ESRRG: variants seen among roughly 807,000 people sequenced by gnomAD.
ESRRG encodes the protein estrogen related receptor gamma.
A neutral mutation model predicts 44.0 loss-of-function variants in ESRRG; 13 were observed. That is an observed-to-expected ratio of 0.30 (90% CI 0.19 to 0.47). ESRRG has a LOEUF of 0.47. Ranked by LOEUF, ESRRG falls within the 20% of genes least tolerant of loss-of-function variation. The pLI, the probability that ESRRG is intolerant of heterozygous loss-of-function variation, is 1.00. For synonymous variants in ESRRG, 215 were observed against 214.6 expected, an observed-to-expected ratio of 1.00 and a Z score of -0.02; for missense variants, 395 against 580.6, an observed-to-expected ratio of 0.68 and a Z score of 3.29.
intron 1 of ESRRG, among the ~76,000 whole-genome samples, chr1:217,041,915 AG>A (rs1472552021): frequency 2.6e-5 from 4 of 152,224 alleles, no homozygotes; most frequent in Non-Finnish European, 5.9e-5. Context: ...AGAAACCAGT[AG>A]GGTTATATTC....
At chr1:216,779,019 T>G (rs1378033817) in intron 2 of ESRRG, among the ~76,000 whole-genome samples, 1 of 148,128 alleles carries the variant, frequency 6.8e-6, no homozygotes, top group Non-Finnish European at 1.5e-5. Context: ...AATGCCAGAA[T>G]ACAGAGCTGA....
intron 3 of ESRRG, among the ~76,000 whole-genome samples, chr1:216,597,571 C>G (rs1412803443): frequency 6.6e-6 from 1 of 152,190 alleles, no homozygotes; most frequent in African/African-American, 2.4e-5. Context: ...CTCAGGTACC[C>G]TAGCTGTATT....
chr1:216,778,133 C>A (rs1386342503), intron 2 of ESRRG, among the ~76,000 whole-genome samples: 2 of 151,962 alleles, frequency 1.3e-5, no homozygotes, highest in African/African-American at 2.4e-5. Flanking sequence ...TCTTGGGAAG[C>A]AAGTTCTGAG....
chr1:216,583,133 C>T (rs1057060271), intron 3 of ESRRG, among the ~76,000 whole-genome samples: 4 of 152,134 alleles, frequency 2.6e-5, no homozygotes, highest in Admixed American at 6.5e-5. Context: ...TGAAGAACTG[C>T]CCATATGCCA....
At chr1:216,705,043 C>G (rs907480818) in intron 1 of ESRRG, among the ~76,000 whole-genome samples, 1 of 152,112 alleles carries the variant, frequency 6.6e-6, no homozygotes, top group Non-Finnish European at 1.5e-5. Flanking sequence ...TTAAACTTTC[C>G]TGATTGCAAC....
chr1:216,781,888 G>T (rs2093950832), intron 2 of ESRRG, among the ~76,000 whole-genome samples: 1 of 152,040 alleles, frequency 6.6e-6, no homozygotes, highest in Non-Finnish European at 1.5e-5. Context: ...GACATGCCAT[G>T]TGCAAATGCT....
intron 3 of ESRRG, among the ~76,000 whole-genome samples, chr1:216,605,506 C>T (rs116682503): frequency 2.1e-3 from 316 of 152,176 alleles, no homozygotes; most frequent in African/African-American, 7.2e-3. Flanking sequence ...ATCAACATCT[C>T]CCTTACAAAA....
chr1:216,755,239 G>A (rs540280859), intron 2 of ESRRG, among the ~76,000 whole-genome samples: 19 of 151,844 alleles, frequency 1.3e-4, no homozygotes, highest in Non-Finnish European at 2.5e-4. Flanking sequence ...CTGAATTATG[G>A]TTTTATATTA....
At chr1:216,761,901 G>A (rs1207823911) in intron 2 of ESRRG, among the ~76,000 whole-genome samples, 2 of 152,078 alleles carry the variant, frequency 1.3e-5, no homozygotes, top group African/African-American at 2.4e-5. Flanking sequence ...TACACCCTGA[G>A]GGTGTATATA....
intron 3 of ESRRG, among the ~76,000 whole-genome samples, chr1:216,626,766 C>T (rs772139619): frequency 7.0e-4 from 106 of 152,320 alleles, no homozygotes; most frequent in East Asian, 7.7e-4. Context: ...GGAGGTTCCT[C>T]GCTGGTATCT....
At chr1:216,984,225 T>C (rs2074495948) in intron 1 of ESRRG, among the ~76,000 whole-genome samples, 1 of 152,164 alleles carries the variant, frequency 6.6e-6, no homozygotes, top group African/African-American at 2.4e-5. Context: ...TTCCGTATAT[T>C]TTTTCTTTTG....
At chr1:216,668,731 C>A (rs565061416) in intron 2 of ESRRG, among the ~76,000 whole-genome samples, 2 of 152,266 alleles carry the variant, frequency 1.3e-5, no homozygotes, top group African/African-American at 4.8e-5. Context: ...CTCACACACA[C>A]ACATATATTC....
chr1:216,808,818 G>T (rs1033127011), intron 2 of ESRRG, among the ~76,000 whole-genome samples: 2 of 151,714 alleles, frequency 1.3e-5, no homozygotes, highest in African/African-American at 4.8e-5. Context: ...TCCCAGCTCA[G>T]GTCCCAATTT....
chr1:216,689,247 C>T (rs1000523342), intron 1 of ESRRG, among the ~76,000 whole-genome samples: 29 of 152,050 alleles, frequency 1.9e-4, no homozygotes, highest in Non-Finnish European at 3.8e-4. Flanking sequence ...GCATCCATTA[C>T]AAAATGCAAA....
At chr1:216,739,136 C>T (rs1208999047) in intron 2 of ESRRG, among the ~76,000 whole-genome samples, 4 of 152,014 alleles carry the variant, frequency 2.6e-5, no homozygotes, top group African/African-American at 7.2e-5. Flanking sequence ...ATGTTTTCTT[C>T]GTATTTATCT....
At chr1:217,130,697 T>C (rs80243893) in intron 1 of ESRRG, among the ~76,000 whole-genome samples, 2,354 of 152,312 alleles carry the variant, frequency 0.015, 66 homozygotes, top group African/African-American at 0.053. Flanking sequence ...ATTAATTATT[T>C]TGGTAAAAGG....
intron 3 of ESRRG, among the ~76,000 whole-genome samples, chr1:216,573,211 G>A (rs1166662856): frequency 6.6e-6 from 1 of 151,898 alleles, no homozygotes; most frequent in African/African-American, 2.4e-5. Flanking sequence ...GTTTTCAACT[G>A]TAATAACATA....
At chr1:216,719,524 T>C (rs2085707288) in intron 1 of ESRRG, among the ~76,000 whole-genome samples, 1 of 152,054 alleles carries the variant, frequency 6.6e-6, no homozygotes, top group African/African-American at 2.4e-5. Flanking sequence ...TTTCTTTTCT[T>C]TTTTCACTTT....
At chr1:217,122,003 A>G (rs2092826585) in intron 1 of ESRRG, among the ~76,000 whole-genome samples, 1 of 152,198 alleles carries the variant, frequency 6.6e-6, no homozygotes, top group Non-Finnish European at 1.5e-5. Flanking sequence ...TCAGATAACC[A>G]CGAGTTAGGT....
Sources: allele counts gnomAD v4.1 joint callset (sites outside exome capture counted in the v4.1 genomes callset), GRCh38; gene constraint gnomAD v4.1.1; transcripts MANE v1.5; gene names NCBI Gene and HGNC (gene_info 2026-07-23, HGNC 2026-07-21).